ZNF710: variants seen among roughly 807,000 people sequenced by gnomAD.
ZNF710 encodes zinc finger protein 710.
ZNF710 carries 13 observed loss-of-function variants against 50.6 expected under a neutral mutation model. The ratio of observed to expected loss-of-function variants is 0.26; its 90% CI spans 0.17 to 0.41. ZNF710 has a LOEUF of 0.41. Ranked by LOEUF, ZNF710 falls within the 10% of genes least tolerant of loss-of-function variation. ZNF710 has a pLI of 1.00. For synonymous variants in ZNF710, 383 were observed against 397.0 expected (o/e 0.96, Z 0.42); for missense variants, 721 against 936.6 (o/e 0.77, Z 3.01).
chr15:90,070,057 C>T (rs978768664), intron 2 of ZNF710, among the ~76,000 whole-genome samples: 24 of 152,198 alleles, frequency 1.6e-4, no homozygotes, highest in African/African-American at 5.8e-4. Flanking sequence ...CCAGGTCAAA[C>T]TTGTGACCCT....
chr15:90,037,210 G>C (rs1395258172), intron 1 of ZNF710, among the ~76,000 whole-genome samples: 3 of 152,170 alleles, frequency 2.0e-5, no homozygotes, highest in Non-Finnish European at 4.4e-5. Flanking sequence ...TCATTCCCCG[G>C]GTGGCCCACA....
Position 90,079,606 on chromosome 15 carries a change from AC to A in ZNF710, c.1826-53del, listed in dbSNP as rs1226887112. ...GCCATCAGCTTCCTGCGTGGGGGTG[AC>A]TGGCTCCTCCCGAGAGATGGCAGCC... On this transcript the variant is annotated intron_variant, in intron 4 of 4. Coordinates refer to ENST00000268154, the MANE Select transcript of ZNF710 (RefSeq NM_198526.4). 6.3e-6 allele frequency: 10 copies of A among 1,589,770 alleles called. No individual in the cohort carries two copies. In the African/African-American group the frequency reaches 1.4e-4, roughly 22 times the overall value.
chr15:90,058,084 T>A (rs1052389938), intron 1 of ZNF710, among the ~76,000 whole-genome samples: 1 of 151,766 alleles, frequency 6.6e-6, no homozygotes, highest in Non-Finnish European at 1.5e-5. Context: ...CCAGGTCAGG[T>A]GTAGGTGCAC....
upstream of ZNF710, among the ~76,000 whole-genome samples, chr15:89,999,978 A>G (rs909067119): frequency 2.0e-5 from 3 of 151,712 alleles, no homozygotes; most frequent in African/African-American, 7.3e-5. Flanking sequence ...CCTCCCGGTG[A>G]CCTGGTCCTG....
At chr15:90,005,780 A>T (rs189496049) in intron 1 of ZNF710, among the ~76,000 whole-genome samples, 1 of 152,330 alleles carries the variant, frequency 6.6e-6, no homozygotes, top group Admixed American at 6.5e-5. Flanking sequence ...GACTCAGAAT[A>T]TAGGGAGAAT....
intron 1 of ZNF710, among the ~76,000 whole-genome samples, chr15:90,020,809 G>A (rs923140384): frequency 3.3e-5 from 5 of 152,160 alleles, no homozygotes; most frequent in Non-Finnish European, 5.9e-5. Context: ...CCTGAATGGC[G>A]GGTCCCCCAC....
chr15:90,065,459 C>T (rs1396300382), intron 1 of ZNF710, among the ~76,000 whole-genome samples: 4 of 152,214 alleles, frequency 2.6e-5, no homozygotes, highest in African/African-American at 9.6e-5. Context: ...TGGCGTGCTG[C>T]AGTCCTTGGA....
At chr15:90,011,501 G>C (rs2151464339) in intron 1 of ZNF710, among the ~76,000 whole-genome samples, 1 of 152,266 alleles carries the variant, frequency 6.6e-6, no homozygotes, top group East Asian at 1.9e-4. Flanking sequence ...AGTCACCACT[G>C]TCCCTCCCCA....
At chr15:90,077,372 T>A (rs553083773) in intron 4 of ZNF710, among the ~76,000 whole-genome samples, 1 of 151,000 alleles carries the variant, frequency 6.6e-6, no homozygotes, top group African/African-American at 2.4e-5. Context: ...GCCTCCCAAG[T>A]AGCTGGGACT....
chr15:90,029,603 C>CA (rs1567226098), intron 1 of ZNF710, among the ~76,000 whole-genome samples: 1 of 151,976 alleles, frequency 6.6e-6, no homozygotes, highest in Non-Finnish European at 1.5e-5. Flanking sequence ...CCAGTCTCTA[C>CA]AAAAAAATTT....
intron 1 of ZNF710, among the ~76,000 whole-genome samples, chr15:90,027,708 T>C (rs1898819658): frequency 6.6e-6 from 1 of 151,836 alleles, no homozygotes; most frequent in Admixed American, 6.6e-5. Context: ...AAAAATTAGC[T>C]GGATGTGGTG....
intron 4 of ZNF710, among the ~76,000 whole-genome samples, chr15:90,078,194 A>G (rs1900638773): frequency 2.0e-5 from 3 of 149,478 alleles, no homozygotes; most frequent in Admixed American, 6.7e-5. Flanking sequence ...CTGGGCAACA[A>G]GAGCGAAACT....
chr15:90,012,195 C>A (rs563128442), intron 1 of ZNF710, among the ~76,000 whole-genome samples: 6 of 149,608 alleles, frequency 4.0e-5, no homozygotes, highest in African/African-American at 1.5e-4. Context: ...CAGAGGGAGA[C>A]TCCATCTCAA....
chr15:90,033,832 T>C (rs1899021433), intron 1 of ZNF710, among the ~76,000 whole-genome samples: 1 of 152,176 alleles, frequency 6.6e-6, no homozygotes, highest in Non-Finnish European at 1.5e-5. Flanking sequence ...CTGCCTGGCC[T>C]GGGTATGGAA....
At chr15:90,001,313 GTCTC>G (rs927472113), upstream of ZNF710, 1 of 152,206 alleles carries the variant, frequency 6.6e-6, no homozygotes, top group South Asian at 2.1e-4. Flanking sequence ...CTGCTTTTCT[GTCTC>G]TCTCTTCCTC....
chr15:90,024,422 CCCCCA>C (rs1898711599), intron 1 of ZNF710, among the ~76,000 whole-genome samples: 1 of 152,122 alleles, frequency 6.6e-6, no homozygotes, highest in African/African-American at 2.4e-5. Context: ...AGCTGATGGC[CCCCCA>C]CCTGTGCTTC....
intron 1 of ZNF710, among the ~76,000 whole-genome samples, chr15:90,038,704 GCT>G (rs780931953): frequency 2.4e-5 from 2 of 83,014 alleles, no homozygotes; most frequent in Non-Finnish European, 4.3e-5. Flanking sequence ...CAGCCTCCCT[GCT>G]CTGTGTGTGT....
chr15:90,047,244 T>C (rs1247043672), intron 1 of ZNF710, among the ~76,000 whole-genome samples: 1 of 152,216 alleles, frequency 6.6e-6, no homozygotes, highest in Non-Finnish European at 1.5e-5. Context: ...GCTCCTCCCG[T>C]AACTAACGTG....
At chr15:90,000,303 A>G (rs558167114), upstream of ZNF710, among the ~76,000 whole-genome samples, 8 of 152,310 alleles carry the variant, frequency 5.3e-5, no homozygotes, top group East Asian at 1.5e-3. Flanking sequence ...GTTGCAGTCG[A>G]GAAACGGCTC....
Sources: gnomAD v4.1 joint callset for allele counts (sites outside exome capture counted in the v4.1 genomes callset) on GRCh38, gnomAD v4.1.1 for gene constraint, MANE v1.5 for transcripts, NCBI Gene and HGNC (gene_info 2026-07-23, HGNC 2026-07-21) for gene names.